The following ADAMTS6 variants were observed in gnomAD, a reference collection of about 807,000 sequenced individuals.
ADAMTS6 encodes ADAM metallopeptidase with thrombospondin type 1 motif 6.
A neutral mutation model predicts 144.3 loss-of-function variants in ADAMTS6; 23 were observed. The observed-to-expected ratio is 0.16, with a 90% CI of 0.11 to 0.23. ADAMTS6 has a LOEUF of 0.23. Ranked by LOEUF, ADAMTS6 falls within the 10% of genes least tolerant of loss-of-function variation. The pLI is 1.00. For missense variants in ADAMTS6, 999 were observed against 1,379.6 expected (o/e 0.72, Z 4.37); for synonymous variants, 444 against 457.5 (o/e 0.97, Z 0.38).
chr5:65,427,125 A>C (rs1756602195), intron 7 of ADAMTS6, among the ~76,000 whole-genome samples: 1 of 152,184 alleles, frequency 6.6e-6, no homozygotes. Context: ...AACACTACCT[A>C]AAAGAGACTT....
At chr5:65,319,675 GA>G (rs1457742114) in intron 9 of ADAMTS6, among the ~76,000 whole-genome samples, 1 of 113,388 alleles carries the variant, frequency 8.8e-6, no homozygotes, top group Non-Finnish European at 1.8e-5. Flanking sequence ...AAAAGGAAGG[GA>G]GGGAGGGAGG....
At chr5:65,245,449 T>C (rs1759545500) in intron 14 of ADAMTS6, among the ~76,000 whole-genome samples, 1 of 152,210 alleles carries the variant, frequency 6.6e-6, no homozygotes, top group African/African-American at 2.4e-5. Flanking sequence ...TGTGTGATTC[T>C]AGCCTCTGGG....
At chr5:65,280,656 T>TA (rs1398269500) in intron 11 of ADAMTS6, among the ~76,000 whole-genome samples, 1 of 152,232 alleles carries the variant, frequency 6.6e-6, no homozygotes, top group East Asian at 1.9e-4. Flanking sequence ...TCTGATCACA[T>TA]AAGTACATGT....
chr5:65,442,198 C>A (rs1385909421), intron 7 of ADAMTS6, among the ~76,000 whole-genome samples: 1 of 151,016 alleles, frequency 6.6e-6, no homozygotes, highest in Non-Finnish European at 1.5e-5. Flanking sequence ...AGACAAAAGA[C>A]AAAAACTACC....
chr5:65,256,985 C>CTCTCTTT (rs765554792), intron 14 of ADAMTS6, among the ~76,000 whole-genome samples: 81 of 88,684 alleles, frequency 9.1e-4, no homozygotes, highest in African/African-American at 4.1e-3. Context: ...CTCTCTCTCT[C>CTCTCTTT]TTTTTTTTTT....
At chr5:65,235,170 A>C (rs1226449259) in intron 15 of ADAMTS6, among the ~76,000 whole-genome samples, 3 of 152,198 alleles carry the variant, frequency 2.0e-5, no homozygotes, top group African/African-American at 7.2e-5. Context: ...AATAATGTAT[A>C]GTATACTTTA....
intron 7 of ADAMTS6, among the ~76,000 whole-genome samples, chr5:65,374,163 G>A (rs188062617): frequency 0.053 from 8,118 of 152,108 alleles, 272 homozygotes; most frequent in East Asian, 0.11. Context: ...TACTGAATGG[G>A]CAAAAACTGG....
intron 7 of ADAMTS6, among the ~76,000 whole-genome samples, chr5:65,367,157 A>T: frequency 6.6e-6 from 1 of 152,232 alleles, no homozygotes; most frequent in East Asian, 1.9e-4. Context: ...ACTGAATAAC[A>T]GCTCACTATT....
At chr5:65,196,479 C>T (rs532934085) in intron 21 of ADAMTS6, among the ~76,000 whole-genome samples, 265 of 133,564 alleles carry the variant, frequency 2.0e-3, no homozygotes, top group Non-Finnish European at 3.4e-3. Context: ...GCCGAGATCG[C>T]GCCACTGCAC....
At chr5:65,250,533 T>A (rs907821787) in intron 14 of ADAMTS6, among the ~76,000 whole-genome samples, 2 of 152,214 alleles carry the variant, frequency 1.3e-5, no homozygotes, top group Non-Finnish European at 2.9e-5. Context: ...CTACATAACC[T>A]ATACTTAAAT....
At chr5:65,375,954 G>C (rs1000110745) in intron 7 of ADAMTS6, among the ~76,000 whole-genome samples, 3 of 152,102 alleles carry the variant, frequency 2.0e-5, no homozygotes, top group Non-Finnish European at 2.9e-5. Flanking sequence ...AGTTCATGTC[G>C]TTTGTAGGGA....
chr5:65,208,351 G>A (rs1464008653), intron 20 of ADAMTS6, among the ~76,000 whole-genome samples: 1 of 152,194 alleles, frequency 6.6e-6, no homozygotes, highest in African/African-American at 2.4e-5. Flanking sequence ...TGGGGGTGGG[G>A]ACAAAGTATC....
At chr5:65,273,616 A>G (rs930459708) in intron 11 of ADAMTS6, among the ~76,000 whole-genome samples, 169 bp from the exon 12 acceptor site, 1 of 152,234 alleles carries the variant, frequency 6.6e-6, no homozygotes, top group African/African-American at 2.4e-5. Flanking sequence ...AACATCTTGC[A>G]GTATCATTTA....
chr5:65,226,032 G>GA, intron 16 of ADAMTS6, 54 bp downstream of exon 16: 3 of 1,544,392 alleles, frequency 1.9e-6, no homozygotes, highest in Non-Finnish European at 2.6e-6. Context: ...GAGTTAATGA[G>GA]AAAAAGATAA....
At chr5:65,382,942 T>G (rs1752164659) in intron 7 of ADAMTS6, among the ~76,000 whole-genome samples, 2 of 152,238 alleles carry the variant, frequency 1.3e-5, no homozygotes, top group Admixed American at 1.3e-4. Context: ...ATTCTACGTC[T>G]GGTGAAAGTC....
intron 15 of ADAMTS6, among the ~76,000 whole-genome samples, chr5:65,238,415 C>T (rs1429650854): frequency 6.6e-6 from 1 of 151,952 alleles, no homozygotes; most frequent in African/African-American, 2.4e-5. Flanking sequence ...CCAACCTGGG[C>T]AACATGGTGA....
chr5:65,334,027 C>CAAAA lies in ADAMTS6; in HGVS notation c.1117+14_1117+15insTTTT. 2 of 500,720 alleles carry CAAAA rather than the reference C, an allele frequency of 4.0e-6. No individual in the cohort carries two copies. Among genetic ancestry groups the CAAAA allele is most frequent in the Non-Finnish European group, 5.4e-6 (2 of 371,902 alleles). The allele number at this position is 500,720 out of a possible 1,614,324, so 31.0% of individuals were successfully genotyped here. A position where few individuals can be genotyped will look rare whatever the true frequency, so the allele number is the denominator to read the frequency against. ...AAAAAAAAAAAAAAAAAAAAAAAAACCAAAAAAAACTTACCCAGTGTTCCA... is the reference window on the plus strand; with the variant it reads ...AAAAAAAAAAAAAAAAAAAAAAAAACAAAACAAAAAAAACTTACCCAGTGTTCCA... On this transcript the variant is annotated intron_variant, in intron 8 of 24. Coordinates refer to ENST00000381055, the MANE Select transcript of ADAMTS6 (RefSeq NM_197941.4).
chr5:65,191,107 C>T (rs955847203), intron 21 of ADAMTS6, among the ~76,000 whole-genome samples: 2 of 152,112 alleles, frequency 1.3e-5, no homozygotes, highest in African/African-American at 4.8e-5. Flanking sequence ...ATAGCTGGAA[C>T]AATTCTGGGG....
chr5:65,319,505 C>A (rs1489227509), intron 9 of ADAMTS6, among the ~76,000 whole-genome samples: 3 of 142,426 alleles, frequency 2.1e-5, no homozygotes, highest in Non-Finnish European at 3.1e-5. Flanking sequence ...CATGGTGAAA[C>A]CCCATATCTA....
Sources: gnomAD v4.1 joint callset for allele counts (sites outside exome capture counted in the v4.1 genomes callset) on GRCh38, gnomAD v4.1.1 for gene constraint, MANE v1.5 for transcripts, NCBI Gene and HGNC (gene_info 2026-07-23, HGNC 2026-07-21) for gene names.